Variants in JARID2 observed in about 807,000 individuals in gnomAD.
The protein encoded by JARID2 is jumonji and AT-rich interaction domain containing 2, also known as protein Jumonji.
JARID2 carries 21 observed loss-of-function variants against 125.6 expected under a neutral mutation model. That is an observed-to-expected ratio of 0.17 (90% CI 0.12 to 0.24). The LOEUF is 0.24. Among genes scored for constraint, JARID2 ranks in the 10% least tolerant of loss-of-function variants. JARID2 has a pLI of 1.00. For synonymous variants in JARID2, 736 were observed against 661.6 expected (o/e 1.11, Z -1.73); for missense variants, 1,303 against 1,639.6 (o/e 0.79, Z 3.55).
chr6:15,350,677 T>G (rs1179216958), intron 1 of JARID2, among the ~76,000 whole-genome samples: 3 of 152,010 alleles, frequency 2.0e-5, no homozygotes, highest in Non-Finnish European at 2.9e-5. Context: ...ATTTAATTGC[T>G]ATTTAAACAA....
At chr6:15,350,448 A>C (rs960974242) in intron 1 of JARID2, among the ~76,000 whole-genome samples, 1 of 152,174 alleles carries the variant, frequency 6.6e-6, no homozygotes, top group Non-Finnish European at 1.5e-5. Flanking sequence ...CTTCATTAGT[A>C]ACACGGAGAC....
In JARID2 at chr6:15,520,651, T is replaced by C. The variant is rs1222172304; in HGVS notation, c.*400T>C. ...GAACAAATTTAAAAACCATCAGTCA[T>C]GTGAGCAGATTTTTTAGAAGGGATA... On this transcript the variant is annotated 3_prime_UTR_variant, in exon 18 of 18. Coordinates refer to ENST00000341776, the MANE Select transcript of JARID2 (RefSeq NM_004973.4). The C allele has an allele frequency of 3.0e-5, 9 of 302,894 alleles. 1 individual carries two copies. The East Asian group carries it at 4.6e-4, about 16-fold the overall frequency. The allele number at this position is 302,894 out of a possible 1,614,324, so 18.8% of individuals were successfully genotyped here.
At chr6:15,413,002 GTTTTTGTT>G (rs1404985923) in intron 3 of JARID2, among the ~76,000 whole-genome samples, 1 of 46,532 alleles carries the variant, frequency 2.1e-5, no homozygotes, top group Non-Finnish European at 3.9e-5. Flanking sequence ...AAGAGCTTGT[GTTTTTGTT>G]TTTTTTTTTT....
At chr6:15,349,346 CACA>C (rs1763350463) in intron 1 of JARID2, among the ~76,000 whole-genome samples, 1 of 152,180 alleles carries the variant, frequency 6.6e-6, no homozygotes, top group South Asian at 2.1e-4. Flanking sequence ...CATCCACAAC[CACA>C]ACAACATTGT....
intron 1 of JARID2, among the ~76,000 whole-genome samples, chr6:15,285,517 CA>C: frequency 6.6e-6 from 1 of 152,042 alleles, no homozygotes; most frequent in Non-Finnish European, 1.5e-5. Flanking sequence ...TAAAGTTAAA[CA>C]TCTGGTCATA....
intron 1 of JARID2, among the ~76,000 whole-genome samples, chr6:15,300,550 CCA>C (rs1378873073): frequency 1.3e-5 from 2 of 152,102 alleles, no homozygotes; most frequent in African/African-American, 2.4e-5. Flanking sequence ...CCGCTTGCAG[CCA>C]GGAGACTAAT....
intron 16 of JARID2, 33 bp from the exon 17 acceptor site, chr6:15,517,128 C>G (rs754865184): frequency 5.2e-6 from 8 of 1,546,362 alleles, no homozygotes; most frequent in Non-Finnish European, 7.2e-6. Flanking sequence ...GGAGCTGCCT[C>G]CTGACCTTCG....
At chr6:15,338,889 A>C (rs1762971998) in intron 1 of JARID2, among the ~76,000 whole-genome samples, 1 of 152,196 alleles carries the variant, frequency 6.6e-6, no homozygotes, top group African/African-American at 2.4e-5. Flanking sequence ...CTGATAAGAT[A>C]TATAGAGGCT....
chr6:15,341,713 G>A (rs2127469305), intron 1 of JARID2, among the ~76,000 whole-genome samples: 1 of 152,320 alleles, frequency 6.6e-6, no homozygotes, highest in Non-Finnish European at 1.5e-5. Flanking sequence ...ATGGCAAAGA[G>A]AAATCGATGA....
intron 1 of JARID2, among the ~76,000 whole-genome samples, chr6:15,341,188 T>C (rs2127468742): frequency 6.6e-6 from 1 of 152,320 alleles, no homozygotes; most frequent in Admixed American, 6.5e-5. Context: ...GATGGAAAAG[T>C]ATAAAAAATT....
chr6:15,473,049 C>T (rs199902449), intron 5 of JARID2, among the ~76,000 whole-genome samples: 1 of 151,828 alleles, frequency 6.6e-6, no homozygotes. Context: ...TGTGAATACC[C>T]GTGTTAGGAA....
chr6:15,304,252 C>G (rs1761731795), intron 1 of JARID2, among the ~76,000 whole-genome samples: 1 of 144,664 alleles, frequency 6.9e-6, no homozygotes, highest in African/African-American at 2.5e-5. Context: ...TCCTTTTGCT[C>G]CTTTTCCTCC....
intron 5 of JARID2, among the ~76,000 whole-genome samples, chr6:15,479,540 AAAGG>A (rs1439397248): frequency 6.6e-6 from 1 of 152,228 alleles, no homozygotes; most frequent in African/African-American, 2.4e-5. Context: ...CTTCTATAGA[AAAGG>A]AAGAAGATGT....
intron 2 of JARID2, among the ~76,000 whole-genome samples, chr6:15,398,706 C>A (rs757793013): frequency 6.6e-6 from 1 of 152,126 alleles, no homozygotes; most frequent in East Asian, 1.9e-4. Flanking sequence ...ATTTAAATAC[C>A]CGTTTCTCTT....
chr6:15,507,453 T>A lies in JARID2; in HGVS notation c.2731+37T>A. 3 of 1,568,124 alleles carry A rather than the reference T, an allele frequency of 1.9e-6. No individual in the cohort carries two copies. The South Asian group carries it at 3.3e-5, about 17-fold the overall frequency. ...TGTGGCCGCCTGCCTGTGGCAGCTGTGTCCATGAGTCCTACTTGCTGAGAA... is the reference window on the plus strand; with the variant it reads ...TGTGGCCGCCTGCCTGTGGCAGCTGAGTCCATGAGTCCTACTTGCTGAGAA... On this transcript the variant is annotated intron_variant, in intron 11 of 17. Coordinates refer to ENST00000341776, the MANE Select transcript of JARID2 (RefSeq NM_004973.4).
intron 4 of JARID2, among the ~76,000 whole-genome samples, chr6:15,461,274 G>T (rs1203773785): frequency 1.3e-5 from 2 of 152,196 alleles, no homozygotes; most frequent in Non-Finnish European, 2.9e-5. Flanking sequence ...TAGGAGATTG[G>T]GAGGGAAGGT....
intron 4 of JARID2, among the ~76,000 whole-genome samples, chr6:15,465,538 A>G (rs1449314600): frequency 1.3e-5 from 2 of 152,080 alleles, no homozygotes. Flanking sequence ...GTTCTTTGCA[A>G]CATAAACTCA....
chr6:15,286,511 A>G (rs191501233), intron 1 of JARID2, among the ~76,000 whole-genome samples: 65 of 151,116 alleles, frequency 4.3e-4, no homozygotes, highest in Non-Finnish European at 4.3e-4. Flanking sequence ...TGGCCTCCCA[A>G]AGTGCTGGGA....
chr6:15,321,697 A>T (rs893892602), intron 1 of JARID2, among the ~76,000 whole-genome samples: 1 of 152,228 alleles, frequency 6.6e-6, no homozygotes, highest in Non-Finnish European at 1.5e-5. Context: ...AACAAACAAC[A>T]GAAATGCTTT....
Sources: allele counts gnomAD v4.1 joint callset (sites outside exome capture counted in the v4.1 genomes callset), GRCh38; gene constraint gnomAD v4.1.1; transcripts MANE v1.5; gene names NCBI Gene and HGNC (gene_info 2026-07-23, HGNC 2026-07-21).